Variants in SNX30 observed in about 807,000 individuals in gnomAD.
The protein encoded by SNX30 is sorting nexin family member 30, also known as sorting nexin-30.
SNX30 carries 24 observed loss-of-function variants against 46.4 expected under a neutral mutation model. That is an observed-to-expected ratio of 0.52 (90% confidence interval 0.37 to 0.73). The LOEUF (loss-of-function observed/expected upper bound fraction) is 0.73. Among genes scored for constraint, SNX30 ranks in the 30% least tolerant of loss-of-function variants. The pLI is 0.00. For missense variants in SNX30, 533 were observed against 555.7 expected, an observed-to-expected ratio of 0.96 and a Z score of 0.41; for synonymous variants, 189 against 211.5, an observed-to-expected ratio of 0.89 and a Z score of 0.92.
At chr9:112,778,271 T>C (rs1839780830) in intron 1 of SNX30, among the ~76,000 whole-genome samples, 1 of 74,536 alleles carries the variant, frequency 1.3e-5, no homozygotes, top group Admixed American at 1.8e-4. Flanking sequence ...GCCATATTCC[T>C]TTTTTTTTTT....
At chr9:112,768,647 CTTTTTTTTT>C (rs58983756) in intron 1 of SNX30, among the ~76,000 whole-genome samples, 1 of 64,366 alleles carries the variant, frequency 1.6e-5, no homozygotes, top group Non-Finnish European at 3.3e-5. Flanking sequence ...ATTCTTTCTT[CTTTTTTTTT>C]TTTTTTTTTT....
At chr9:112,828,632 A>G (rs1445185665) in intron 3 of SNX30, among the ~76,000 whole-genome samples, 1 of 152,210 alleles carries the variant, frequency 6.6e-6, no homozygotes. Flanking sequence ...ATAAGCGGAG[A>G]TCTGATCAGG....
In SNX30 at chr9:112,838,733, T is replaced by C. The variant is rs572541801; in HGVS notation, c.1014+36T>C. Reference sequence around the variant, plus strand: ...TTGCTTCTTGTGTATTTGCATACTTTCTTTGTAATAGCAGTTATCAGAAAG... The same window carrying C: ...TTGCTTCTTGTGTATTTGCATACTTCCTTTGTAATAGCAGTTATCAGAAAG... On this transcript the variant is annotated intron_variant, in intron 6 of 8. Coordinates refer to ENST00000374232, the MANE Select transcript of SNX30 (RefSeq NM_001012994.2). 9.5e-6 allele frequency: 15 copies of C among 1,581,922 alleles called. No homozygotes were observed. The African/African-American group carries it at 2.0e-4, about 21-fold the overall frequency.
At chr9:112,884,174 G>A (rs1246839411), downstream of SNX30, among the ~76,000 whole-genome samples, 1 of 152,182 alleles carries the variant, frequency 6.6e-6, no homozygotes, top group Non-Finnish European at 1.5e-5. Context: ...GCTCACTTTG[G>A]TACCAGGAAG....
downstream of SNX30, among the ~76,000 whole-genome samples, chr9:112,882,483 A>C (rs1284169584): frequency 6.6e-6 from 1 of 152,170 alleles, no homozygotes; most frequent in Non-Finnish European, 1.5e-5. Flanking sequence ...GACCTGATTC[A>C]CACTTTAAGG....
intron 1 of SNX30, among the ~76,000 whole-genome samples, chr9:112,777,381 T>C (rs1029955667): frequency 6.6e-6 from 1 of 152,028 alleles, no homozygotes; most frequent in Non-Finnish European, 1.5e-5. Flanking sequence ...TTAACCAGTT[T>C]CCTAGTTTGT....
intron 1 of SNX30, among the ~76,000 whole-genome samples, chr9:112,789,567 A>G (rs700122): frequency 0.94 from 143,390 of 152,318 alleles, 67,595 homozygotes; most frequent in East Asian, 1. Flanking sequence ...TGTTTAGTAT[A>G]TGCTTGAAAT....
chr9:112,778,490 G>A (rs1045498882), intron 1 of SNX30, among the ~76,000 whole-genome samples: 1 of 151,982 alleles, frequency 6.6e-6, no homozygotes, highest in African/African-American at 2.4e-5. Context: ...CAGGCTGGTC[G>A]CGAACTCCTG....
chr9:112,793,889 C>T (rs1840066007), intron 1 of SNX30, among the ~76,000 whole-genome samples: 1 of 150,602 alleles, frequency 6.6e-6, no homozygotes, highest in Non-Finnish European at 1.5e-5. Context: ...GTGTTCAACT[C>T]ACTGAGTTTA....
intron 1 of SNX30, among the ~76,000 whole-genome samples, chr9:112,793,045 A>AT (rs1430856841): frequency 3.9e-5 from 6 of 152,154 alleles, no homozygotes; most frequent in Admixed American, 2.6e-4. Flanking sequence ...AGCTAATGCC[A>AT]TTTTGAGTTG....
intron 6 of SNX30, among the ~76,000 whole-genome samples, chr9:112,841,185 A>G (rs1840850777): frequency 1.3e-5 from 2 of 152,332 alleles, no homozygotes; most frequent in Admixed American, 1.3e-4. Flanking sequence ...TCCAATGCAT[A>G]CACAGCACTG....
rs372850577 is a variant in SNX30, at chr9:112,817,781, A to C, written c.425A>C (p.Lys142Thr). The change falls in exon 3 of 9, where the codon AAA (lysine) becomes ACA (threonine). Residue 142 changes from lysine to threonine, a missense_variant. By Grantham distance (78) the Lys-to-Thr change is moderately conservative (BLOSUM62 -1). Transcript: ENST00000374232. ...RYQDFDWLRS[K>T]LEESQPTHLI... is the part of the protein sequence containing the mutation. ...CAGGATTTTGACTGGTTGAGGAGCA[A>C]ACTGGAAGAATCCCAGCCCACTCAT... 85 of 1,613,764 alleles carry C rather than the reference A, an allele frequency of 5.3e-5. No homozygotes were observed. The highest frequency in any genetic ancestry group is 6.9e-5 in the Non-Finnish European group (81 of 1,179,826).
rs539748045 is a variant in SNX30, at chr9:112,821,876, C to T, written c.459+4061C>T. Among the ~76,000 whole-genome samples the T allele has an allele frequency of 9.2e-5, 14 of 152,116 alleles. No individual in the cohort carries two copies. In the South Asian group the frequency reaches 1.0e-3, roughly 11 times the overall value. On this transcript the variant is annotated intron_variant, in intron 3 of 8. Coordinates refer to ENST00000374232, the MANE Select transcript of SNX30 (RefSeq NM_001012994.2). Reference sequence around the variant, plus strand: ...GTATGATCACAGCTCACTGCAGCCTCGACCTCCCAGGATCAAGCGATTCTC... The same window carrying T: ...GTATGATCACAGCTCACTGCAGCCTTGACCTCCCAGGATCAAGCGATTCTC...
intron 1 of SNX30, among the ~76,000 whole-genome samples, chr9:112,759,545 T>C (rs149652466): frequency 0.031 from 4,787 of 152,042 alleles, 234 homozygotes; most frequent in African/African-American, 0.11. Context: ...CTGGCCAACA[T>C]GGCGAAACCC....
intron 3 of SNX30, among the ~76,000 whole-genome samples, chr9:112,824,214 A>G (rs1388869128): frequency 1.3e-5 from 2 of 152,228 alleles, no homozygotes; most frequent in African/African-American, 4.8e-5. Context: ...ACAGCTTTAT[A>G]AACTAATATG....
chr9:112,794,785 G>C (rs1396324098), intron 1 of SNX30, among the ~76,000 whole-genome samples: 1 of 152,108 alleles, frequency 6.6e-6, no homozygotes, highest in Non-Finnish European at 1.5e-5. Context: ...TCTTGTGGCT[G>C]GCTGACCATA....
At chr9:112,806,229 G>A (rs118065136) in intron 2 of SNX30, among the ~76,000 whole-genome samples, 2,091 of 152,232 alleles carry the variant, frequency 0.014, 22 homozygotes, top group Non-Finnish European at 0.021. Flanking sequence ...TTCCCTGGGG[G>A]ACAGGATTGC....
intron 1 of SNX30, among the ~76,000 whole-genome samples, chr9:112,770,252 A>G (rs183062699): frequency 4.1e-4 from 62 of 151,228 alleles, no homozygotes; most frequent in African/African-American, 1.4e-3. Context: ...ACTCACTGCA[A>G]CCTCTGTTTC....
downstream of SNX30, chr9:112,875,139 C>T (rs553824233): frequency 6.6e-6 from 1 of 152,266 alleles, no homozygotes; most frequent in South Asian, 2.1e-4. Flanking sequence ...TATAATTGAA[C>T]TATTTTTATT....
Sources: allele counts gnomAD v4.1 joint callset (sites outside exome capture counted in the v4.1 genomes callset), GRCh38; gene constraint gnomAD v4.1.1; transcripts MANE v1.5; gene names NCBI Gene and HGNC (gene_info 2026-07-23, HGNC 2026-07-21).